CEP192: variants seen among roughly 807,000 people sequenced by gnomAD.
The protein encoded by CEP192 is centrosomal protein of 192 kDa.
A neutral mutation model predicts 271.8 loss-of-function variants in CEP192; 151 were observed. The observed-to-expected ratio is 0.56, with a 90% CI of 0.49 to 0.64. The LOEUF is 0.64. Ranked by LOEUF, CEP192 falls within the 30% of genes least tolerant of loss-of-function variation. The pLI, the probability that CEP192 is intolerant of heterozygous loss-of-function variation, is 0.00. For synonymous variants in CEP192, 995 were observed against 1,076.5 expected (o/e 0.92, Z 1.48); for missense variants, 2,910 against 3,020.5 (o/e 0.96, Z 0.86).
rs773207912 is a variant in CEP192, at chr18:13,068,929, A to G, written c.4900A>G (p.Arg1634Gly). Reference sequence around the variant, plus strand: ...CAGCCCAAACCCTACGCCCGTTCTTAGAAGTGTGAGTCTCCGAGCAAGAGC... The same window carrying G: ...CAGCCCAAACCCTACGCCCGTTCTTGGAAGTGTGAGTCTCCGAGCAAGAGC... ...VDSPNPTPVLRSVSLRARAGI... is the reference protein window; with the variant it reads ...VDSPNPTPVLGSVSLRARAGI... The change falls in exon 25 of 45, where the codon AGA (arginine) becomes GGA (glycine). Residue 1634 changes from arginine to glycine, a missense_variant. Arg to Gly is a moderately radical substitution (Grantham distance 125). Transcript: ENST00000506447. 1 of 1,614,202 alleles carries G rather than the reference A, an allele frequency of 6.2e-7. No individual in the cohort carries two copies. Among genetic ancestry groups the G allele is most frequent in the Non-Finnish European group, 8.5e-7 (1 of 1,180,032 alleles).
chr18:13,117,674 T>C, intron 44 of CEP192, 31 bp downstream of exon 44: 1 of 1,564,656 alleles, frequency 6.4e-7, no homozygotes, highest in South Asian at 1.1e-5. Context: ...AGTGTTCTCA[T>C]CAGCGATGCA....
At position 13,092,484 on chromosome 18, in the gene CEP192, G is replaced by T. The variant is rs781720989; in HGVS notation, c.6211G>T (p.Glu2071Ter). 3 of 1,609,790 alleles carry T rather than the reference G, an allele frequency of 1.9e-6. No individual in the cohort carries two copies. The highest frequency in any genetic ancestry group is 2.5e-6 in the Non-Finnish European group (3 of 1,178,044). Reference sequence around the variant, plus strand: ...ATTCAGAGATTGCATTTCTAGCAGAGAATTCCTTCAGCCTTCTTCCAAAGC... The same window carrying T: ...ATTCAGAGATTGCATTTCTAGCAGATAATTCCTTCAGCCTTCTTCCAAAGC... The part of the protein sequence containing the change: ...GEFRDCISSR[E>*]FLQPSSKASL... The change falls in exon 34 of 45, where the codon GAA (glutamate) becomes TAA (stop). Residue 2071 changes from glutamate to a stop codon, truncating the protein, a stop_gained. Transcript: ENST00000506447. LOFTEE classifies it high-confidence loss of function.
chr18:13,101,098 G>A (rs1335001468), intron 38 of CEP192, among the ~76,000 whole-genome samples: 1 of 152,186 alleles, frequency 6.6e-6, no homozygotes, highest in Non-Finnish European at 1.5e-5. Flanking sequence ...GGTAGCGAGC[G>A]ACACAGGGTG....
At chr18:13,019,474 G>A (rs2034860405) in intron 9 of CEP192, among the ~76,000 whole-genome samples, 1 of 152,110 alleles carries the variant, frequency 6.6e-6, no homozygotes, top group Non-Finnish European at 1.5e-5. Flanking sequence ...ACATGAAAAA[G>A]CAAACGGATC....
Position 13,068,166 on chromosome 18 carries a change from G to A in CEP192, c.4687G>A (p.Ala1563Thr), listed in dbSNP as rs1269373693. The change falls in exon 23 of 45, where the codon GCT becomes ACT. Residue 1563 changes from alanine (A) to threonine (T), a missense_variant. By Grantham distance (58) the Ala-to-Thr change is moderately conservative. Transcript: ENST00000506447. ...AGCTCCTGTGGAAGTTGCTCCTTGC[G>A]CTGATGTGGTCACTCGGCTAGCAGG... ...VRAPVEVAPC[A>T]DVVTRLAGPS... 10 of 1,614,194 alleles carry A rather than the reference G, an allele frequency of 6.2e-6. No homozygotes were observed. The highest frequency in any genetic ancestry group is 2.2e-5 in the East Asian group (1 of 44,890).
Position 13,049,299 on chromosome 18 carries a change from A to T in CEP192, c.2508A>T (p.Ala836=), listed in dbSNP as rs761586482. ...DLSATSVSVR[A]PEENTAAIVY... Reference sequence around the variant, plus strand: ...GTGCTACTAGTGTAAGTGTGAGGGCACCAGAAGAAAACACAGCAGCTATTG... The same window carrying T: ...GTGCTACTAGTGTAAGTGTGAGGGCTCCAGAAGAAAACACAGCAGCTATTG... The change falls in exon 16 of 45, where the codon GCA becomes GCT. Residue 836 remains alanine, a synonymous_variant. Coordinates refer to ENST00000506447, the MANE Select transcript of CEP192 (RefSeq NM_032142.4). The T allele has an allele frequency of 1.2e-5, 20 of 1,614,154 alleles. No individual in the cohort carries two copies. In the East Asian group the frequency reaches 4.5e-4, roughly 36 times the overall value.
chr18:13,094,279 C>T (rs558625610), intron 34 of CEP192, among the ~76,000 whole-genome samples: 32 of 152,314 alleles, frequency 2.1e-4, no homozygotes, highest in Non-Finnish European at 4.7e-4. Flanking sequence ...AAACTGTGAG[C>T]ATCCATTGAT....
Position 13,071,031 on chromosome 18 carries a change from T to C in CEP192, c.5175-8T>C. 1 of 1,609,376 alleles carries C rather than the reference T, an allele frequency of 6.2e-7. No homozygotes were observed. The highest frequency in any genetic ancestry group is 8.5e-7 in the Non-Finnish European group (1 of 1,177,272). Reference sequence around the variant, plus strand: ...AGGACCTTCAACTTAGAATTCTTTCTTTCTTAGGATCTTGAAAATATTTGT... The same window carrying C: ...AGGACCTTCAACTTAGAATTCTTTCCTTCTTAGGATCTTGAAAATATTTGT... On this transcript the variant is annotated splice_region_variant and splice_polypyrimidine_tract_variant and intron_variant, in intron 27 of 44. Coordinates refer to ENST00000506447, the MANE Select transcript of CEP192 (RefSeq NM_032142.4).
intron 30 of CEP192, among the ~76,000 whole-genome samples, chr18:13,078,414 G>A (rs1193819364): frequency 6.6e-6 from 1 of 152,138 alleles, no homozygotes; most frequent in Non-Finnish European, 1.5e-5. Flanking sequence ...TGTCTTTATA[G>A]CAGCATGATT....
At chr18:13,055,520 A>C (rs1312642358) in intron 18 of CEP192, among the ~76,000 whole-genome samples, 3 of 152,204 alleles carry the variant, frequency 2.0e-5, no homozygotes, top group African/African-American at 7.2e-5. Context: ...TATCTGTGCA[A>C]AATTTTCAGA....
In CEP192 at chr18:13,015,346, G is replaced by A; in HGVS notation, c.538G>A (p.Gly180Arg). The A allele has an allele frequency of 6.4e-7, 1 of 1,550,444 alleles. No individual in the cohort carries two copies. The highest frequency in any genetic ancestry group is 8.7e-7 in the Non-Finnish European group (1 of 1,146,618). ...CTTATAGATTGTTGTGCTTGATGCT[G>A]GAAAACATTTTGAAGACAAGACTCT... is the stretch of plus-strand genomic sequence containing the variant. ...KEPKIVVLDAGKHFEDKTLKS... is the reference protein window; with the variant it reads ...KEPKIVVLDARKHFEDKTLKS... The change falls in exon 6 of 45, where the codon GGA (glycine) becomes AGA (arginine). Residue 180 changes from glycine (G) to arginine (R), a missense_variant. Coordinates refer to ENST00000506447, the MANE Select transcript of CEP192 (RefSeq NM_032142.4).
At chr18:13,099,018 A>G (rs2144854007) in intron 36 of CEP192, among the ~76,000 whole-genome samples, 1 of 152,212 alleles carries the variant, frequency 6.6e-6, no homozygotes, top group South Asian at 2.1e-4. Flanking sequence ...TCTCCACCAA[A>G]AAAATACGAA....
chr18:13,006,827 C>T (rs992036666), intron 3 of CEP192, among the ~76,000 whole-genome samples: 13 of 152,098 alleles, frequency 8.5e-5, no homozygotes, highest in Non-Finnish European at 1.6e-4. Context: ...TCTTCTGGGC[C>T]GCTGTAACTG....
intron 30 of CEP192, among the ~76,000 whole-genome samples, chr18:13,083,251 G>A (rs1372670840): frequency 2.6e-5 from 4 of 152,168 alleles, no homozygotes; most frequent in Non-Finnish European, 5.9e-5. Flanking sequence ...TCACTTTCAG[G>A]TACACCAATC....
chr18:13,072,771 T>C lies in CEP192; in HGVS notation c.5365T>C (p.Leu1789=). Residue 1789 remains leucine (L), a synonymous_variant, in exon 29 of 45, where the codon TTA becomes CTA. Transcript: ENST00000506447. ...LGRTQLQKLA[L]RNNSASTTQH... The stretch of plus-strand genomic sequence containing the variant: ...TGTTTTTAGGCTTCAGAAACTAGCT[T>C]TAAGAAATAATTCTGCATCTACAAC... The C allele has an allele frequency of 6.2e-7, 1 of 1,608,276 alleles. No homozygotes were observed. Among genetic ancestry groups the C allele is most frequent in the Non-Finnish European group, 8.5e-7 (1 of 1,174,706 alleles).
chr18:13,056,257 A>T lies in CEP192; in HGVS notation c.3667A>T (p.Asn1223Tyr). 1.2e-6 allele frequency: 2 copies of T among 1,613,880 alleles called. No individual in the cohort carries two copies. Among genetic ancestry groups the T allele is most frequent in the South Asian group, 2.2e-5 (2 of 91,028 alleles). The change falls in exon 19 of 45, where the codon AAC becomes TAC. Residue 1223 changes from asparagine to tyrosine, a missense_variant. By Grantham distance (143) the Asn-to-Tyr change is moderately radical. Coordinates refer to ENST00000506447, the MANE Select transcript of CEP192 (RefSeq NM_032142.4). ...GGTTTCTCATCAGACCACCTCTGAA[A>T]ACCAGTGTACTCCTATTCCCAGCAG... ...GQVSHQTTSENQCTPIPSSTV... is the reference protein window; with the variant it reads ...GQVSHQTTSEYQCTPIPSSTV...
chr18:13,060,283 A>G (rs2037338751), intron 21 of CEP192, among the ~76,000 whole-genome samples: 2 of 152,254 alleles, frequency 1.3e-5, no homozygotes, highest in African/African-American at 4.8e-5. Context: ...TAACACCATG[A>G]TAAGTGTTTC....
chr18:13,113,505 C>T, intron 40 of CEP192, 81 bp from the exon 41 acceptor site: 2 of 1,386,696 alleles, frequency 1.4e-6, no homozygotes, highest in Non-Finnish European at 2.0e-6. Context: ...TTTTTTCATA[C>T]CAAATCTTTG....
intron 44 of CEP192, among the ~76,000 whole-genome samples, chr18:13,118,365 A>G (rs755411910): frequency 1.2e-4 from 19 of 152,228 alleles, no homozygotes; most frequent in Admixed American, 2.6e-4. Flanking sequence ...CCACTCTGCA[A>G]ACATTCTAGG....
Sources: gnomAD v4.1 joint callset for allele counts (sites outside exome capture counted in the v4.1 genomes callset) on GRCh38, gnomAD v4.1.1 for gene constraint, MANE v1.5 for transcripts, NCBI Gene and HGNC (gene_info 2026-07-23, HGNC 2026-07-21) for gene names.